The following TTN variants were observed in gnomAD, a reference collection of about 807,000 sequenced individuals.
TTN encodes the protein connectin.
In TTN, 1,525 loss-of-function variants were observed where a neutral mutation model predicts 3,223.0. The ratio of observed to expected loss-of-function variants is 0.47; its 90% CI spans 0.45 to 0.49. The LOEUF is 0.49. TTN is among the 20% of genes least tolerant of loss of function. TTN has a pLI of 0.00. For missense variants in TTN, 40,786 were observed against 43,424.0 expected, an observed-to-expected ratio of 0.94 and a Z score of 5.40; for synonymous variants, 14,094 against 15,161.0, an observed-to-expected ratio of 0.93 and a Z score of 5.17.
rs770107107 is a variant in TTN, at chr2:178,551,920, G to A, written c.90980C>T (p.Pro30327Leu). The A allele has an allele frequency of 1.2e-6, 2 of 1,613,662 alleles. No homozygotes were observed. The highest frequency in any genetic ancestry group is 2.2e-5 in the South Asian group (2 of 91,066). ...VAKHQFRIPG[P>L]PGKPVIYNVT... ...ATTGTATATAACTGGCTTTCCTGGG[G>A]GACCAGGAATCCTGAACTGGTGTTT... Residue 30327 changes from proline (P) to leucine (L), a missense_variant, in exon 335 of 363, where the codon CCC becomes CTC. By Grantham distance (98) the Pro-to-Leu change is moderately conservative. Coordinates refer to ENST00000589042, the MANE Select transcript of TTN (RefSeq NM_001267550.2).
Position 178,618,783 on chromosome 2 carries a change from C to T in TTN, c.46767G>A (p.Val15589=), listed in dbSNP as rs1290472359. ...VDVGKPLTMV[V]PYDAYPKAEA... is the part of the protein sequence containing the mutation. The stretch of plus-strand genomic sequence containing the variant: ...CTGCTTTGGGGTAGGCATCATATGG[C>T]ACCACCATTGTCAGAGGCTTGCCAA... The change falls in exon 251 of 363, where the codon GTG becomes GTA. Residue 15589 remains valine, a synonymous_variant. Coordinates refer to ENST00000589042, the MANE Select transcript of TTN (RefSeq NM_001267550.2). 3 of 1,611,360 alleles carry T rather than the reference C, an allele frequency of 1.9e-6. No homozygotes were observed. The highest frequency in any genetic ancestry group is 2.7e-5 in the African/African-American group (2 of 74,770).
chr2:178,693,720 A>G (rs1444376318), intron 118 of TTN, 31 bp from the exon 119 acceptor site: 3 of 1,515,514 alleles, frequency 2.0e-6, no homozygotes, highest in Non-Finnish European at 2.7e-6. Context: ...AATTACTGAT[A>G]TGCCATGTTG....
intron 226 of TTN, 76 bp downstream of exon 226, chr2:178,635,887 C>T: frequency 6.5e-7 from 1 of 1,530,080 alleles, no homozygotes. Context: ...TATTGTAATA[C>T]TGGGAAACGA....
In TTN at chr2:178,543,899, T is replaced by C. The variant is rs1388102991; in HGVS notation, c.96245A>G (p.Lys32082Arg). The C allele has an allele frequency of 1.9e-6, 3 of 1,613,768 alleles. No homozygotes were observed. Among genetic ancestry groups the C allele is most frequent in the Non-Finnish European group, 2.5e-6 (3 of 1,179,730 alleles). Residue 32082 changes from lysine (K) to arginine (R), a missense_variant, in exon 346 of 363, where the codon AAA becomes AGA. Coordinates refer to ENST00000589042, the MANE Select transcript of TTN (RefSeq NM_001267550.2). ...TTGGTTTTCAGCTTCAATTGTGTATTTTCCAGCATCGTACCGATTAACTTT... is the reference window on the plus strand; with the variant it reads ...TTGGTTTTCAGCTTCAATTGTGTATCTTCCAGCATCGTACCGATTAACTTT... ...VDKVNRYDAG[K>R]YTIEAENQSG... is the part of the protein sequence containing the mutation.
Position 178,559,291 on chromosome 2 carries a change from TC to T in TTN, c.86821+19del. The stretch of plus-strand genomic sequence containing the variant: ...AAAATTAACGTGGATATGTAGAATT[TC>T]CTTATTCTTAAAACATACCTGTTAT... On this transcript the variant is annotated intron_variant, in intron 326 of 362. Transcript: ENST00000589042. 1 of 1,547,786 alleles carries T rather than the reference TC, an allele frequency of 6.5e-7. No homozygotes were observed. Among genetic ancestry groups the T allele is most frequent in the Non-Finnish European group, 8.7e-7 (1 of 1,148,072 alleles).
intron 213 of TTN, among the ~76,000 whole-genome samples, chr2:178,648,799 CT>C (rs1343627446): frequency 6.6e-6 from 1 of 152,102 alleles, no homozygotes; most frequent in Non-Finnish European, 1.5e-5. Flanking sequence ...TGAACTTAAT[CT>C]TTTCTTGCCG....
intron 143 of TTN, 28 bp downstream of exon 143, chr2:178,678,719 A>T: frequency 6.3e-7 from 1 of 1,594,458 alleles, no homozygotes; most frequent in Admixed American, 1.8e-5. Flanking sequence ...GTGAAATAAA[A>T]ATATTGCAAC....
At position 178,685,344 on chromosome 2, in the gene TTN, T is replaced by A; in HGVS notation, c.32393-14A>T. 1 of 1,543,218 alleles carries A rather than the reference T, an allele frequency of 6.5e-7. No individual in the cohort carries two copies. Among genetic ancestry groups the A allele is most frequent in the Non-Finnish European group, 8.8e-7 (1 of 1,142,672 alleles). On this transcript the variant is annotated splice_polypyrimidine_tract_variant and intron_variant, in intron 128 of 362. Transcript: ENST00000589042. ...GCCTCTCTGTCACTTGAAAAGATTATAAAATATGTTTGTAGAAATGTCTAG... is the reference window on the plus strand; with the variant it reads ...GCCTCTCTGTCACTTGAAAAGATTAAAAAATATGTTTGTAGAAATGTCTAG...
In TTN at chr2:178,545,661, C is replaced by G. The variant is rs1322909513; in HGVS notation, c.95449G>C (p.Val31817Leu). 1 of 1,613,546 alleles carries G rather than the reference C, an allele frequency of 6.2e-7. No individual in the cohort carries two copies. Among genetic ancestry groups the G allele is most frequent in the Non-Finnish European group, 8.5e-7 (1 of 1,179,642 alleles). ...IPSPPGIPEE[V>L]GTGKEHIIIQ... ...ATGATATGCTCTTTGCCAGTCCCAA[C>G]TTCTTCAGGTATGCCGGGTGGTGAT... is the stretch of plus-strand genomic sequence containing the variant. Residue 31817 changes from valine to leucine, a missense_variant, in exon 344 of 363, where the codon GTT (valine) becomes CTT (leucine). Coordinates refer to ENST00000589042, the MANE Select transcript of TTN (RefSeq NM_001267550.2).
Position 178,595,487 on chromosome 2 carries a change from A to ATT in TTN, c.57847+18_57847+19dup, listed in dbSNP as rs111496283. Reference sequence around the variant, plus strand: ...TGAGTAAAGAAGTGATTAAGTATACATTTTTTTTTTTTTACTTACTTATTG... The same window carrying ATT: ...TGAGTAAAGAAGTGATTAAGTATACATTTTTTTTTTTTTTTACTTACTTATTG... On this transcript the variant is annotated intron_variant, in intron 295 of 362. Coordinates refer to ENST00000589042, the MANE Select transcript of TTN (RefSeq NM_001267550.2). 3.9e-5 allele frequency: 48 copies of ATT among 1,241,102 alleles called. No individual in the cohort carries two copies. Among genetic ancestry groups the ATT allele is most frequent in the Middle Eastern group, 4.0e-4 (2 of 5,058 alleles). 76.9% of individuals were successfully genotyped at this position (1,241,102 alleles called of 1,614,324 possible).
rs764302663 is a variant in TTN, at chr2:178,779,136, C to T, written c.3964-18G>A. On this transcript the variant is annotated intron_variant, in intron 23 of 362. Transcript: ENST00000589042. Reference sequence around the variant, plus strand: ...CAAGCAATCTGCAAAGAATACCATGCATGTATGAATAAAATTTACATCAAA... The same window carrying T: ...CAAGCAATCTGCAAAGAATACCATGTATGTATGAATAAAATTTACATCAAA... 1 of 1,613,374 alleles carries T rather than the reference C, an allele frequency of 6.2e-7. No individual in the cohort carries two copies. Among genetic ancestry groups the T allele is most frequent in the East Asian group, 2.2e-5 (1 of 44,814 alleles).
In TTN at chr2:178,538,525, C is replaced by T; in HGVS notation, c.99289+15G>A. 3 of 1,594,360 alleles carry T rather than the reference C, an allele frequency of 1.9e-6. No homozygotes were observed. The South Asian group carries it at 3.4e-5, about 18-fold the overall frequency. ...TAGTTTGTAAATCATAAGTAGAGAA[C>T]CAAAGGCTACTTACATGTGAGTTTA... On this transcript the variant is annotated intron_variant, in intron 354 of 362. Transcript: ENST00000589042.
intron 15 of TTN, 54 bp downstream of exon 15, chr2:178,785,566 G>T: frequency 6.2e-7 from 1 of 1,611,146 alleles, no homozygotes; most frequent in Non-Finnish European, 8.5e-7. Flanking sequence ...TGTTTCACAG[G>T]TTAGATACTT....
At chr2:178,690,009 T>C (rs1464182880) in intron 121 of TTN, 113 bp from the exon 122 acceptor site, 11 of 808,806 alleles carry the variant, frequency 1.4e-5, no homozygotes, top group Non-Finnish European at 2.0e-5. Context: ...GGATTATCTA[T>C]GCATCAGCAA....
Position 178,663,864 on chromosome 2 carries a change from C to G in TTN, c.36403G>C (p.Val12135Leu), listed in dbSNP as rs761002508. 6.2e-7 allele frequency: 1 copy of G among 1,613,364 alleles called. No individual in the cohort carries two copies. The highest frequency in any genetic ancestry group is 2.2e-5 in the East Asian group (1 of 44,864). ...GGCTCTTTAGGAGGAGCCAAGGGCA[C>G]TTTCTCTTCGCGGATAACCTCTTTG... ...ASKEVIREEK[V>L]PLAPPKEPEV... The change falls in exon 170 of 363, where the codon GTG (valine) becomes CTG (leucine). Residue 12135 changes from valine to leucine, a missense_variant. Val to Leu is a conservative substitution (Grantham distance 32). Coordinates refer to ENST00000589042, the MANE Select transcript of TTN (RefSeq NM_001267550.2).
rs369262110 is a variant in TTN, at chr2:178,653,226, A to G, written c.38791+12T>C. ...ATTAGATCATCTGAAGCCTAAGGTC[A>G]GTGACAAATACCTTTAACAGGTGGG... On this transcript the variant is annotated intron_variant, in intron 198 of 362. Coordinates refer to ENST00000589042, the MANE Select transcript of TTN (RefSeq NM_001267550.2). 1.1e-4 allele frequency: 185 copies of G among 1,611,860 alleles called. 1 individual carries two copies. The East Asian group carries it at 3.6e-3, about 31-fold the overall frequency.
chr2:178,723,530 A>C lies in TTN; in HGVS notation c.21570T>G (p.Thr7190=), dbSNP rs889991615. 5.6e-6 allele frequency: 9 copies of C among 1,613,308 alleles called. No individual in the cohort carries two copies. Among genetic ancestry groups the C allele is most frequent in the Middle Eastern group, 1.6e-4 (1 of 6,082 alleles). Residue 7190 remains threonine, a synonymous_variant, in exon 74 of 363, where the codon ACT becomes ACG. Transcript: ENST00000589042. ...GDRCNIYFED[T]VAELELFNID... ...TATTAAATAATTCCAGTTCTGCCACAGTGTCTTCAAAATAGATGTTGCACC... is the reference window on the plus strand; with the variant it reads ...TATTAAATAATTCCAGTTCTGCCACCGTGTCTTCAAAATAGATGTTGCACC...
chr2:178,673,618 G>T lies in TTN; in HGVS notation c.34786+15C>A. The T allele has an allele frequency of 6.5e-7, 1 of 1,534,352 alleles. No individual in the cohort carries two copies. The highest frequency in any genetic ancestry group is 8.7e-7 in the Non-Finnish European group (1 of 1,145,784). On this transcript the variant is annotated intron_variant, in intron 152 of 362. Coordinates refer to ENST00000589042, the MANE Select transcript of TTN (RefSeq NM_001267550.2). ...ATGGGAAGTTAAAGATATTAATAAT[G>T]AGGATTTGATATACCTTTAGCTGGT...
At chr2:178,559,038 A>T (rs1702612661) in intron 326 of TTN, 1 of 285,514 alleles carries the variant, frequency 3.5e-6, no homozygotes, top group Admixed American at 4.9e-5. Flanking sequence ...TATATATATA[A>T]ACATGTATAC....
Sources: allele counts gnomAD v4.1 joint callset (sites outside exome capture counted in the v4.1 genomes callset), GRCh38; gene constraint gnomAD v4.1.1; transcripts MANE v1.5; gene names NCBI Gene and HGNC (gene_info 2026-07-23, HGNC 2026-07-21).